The following KPNA3 variants were observed in gnomAD, a reference collection of about 807,000 sequenced individuals.
The protein encoded by KPNA3 is karyopherin subunit alpha 3.
A neutral mutation model predicts 73.8 loss-of-function variants in KPNA3; 13 were observed. That is an observed-to-expected ratio of 0.18 (90% CI 0.11 to 0.28). The LOEUF (loss-of-function observed/expected upper bound fraction) is 0.28, where lower values mean the gene tolerates loss of function less well. KPNA3 is among the 10% of genes least tolerant of loss of function. KPNA3 has a pLI of 1.00. For missense variants in KPNA3, 360 were observed against 618.1 expected (o/e 0.58, Z 4.43); for synonymous variants, 186 against 206.9 (o/e 0.90, Z 0.87).
intron 2 of KPNA3, among the ~76,000 whole-genome samples, chr13:49,741,358 GTTTTAA>G (rs953182692): frequency 4.6e-5 from 7 of 151,804 alleles, no homozygotes; most frequent in Admixed American, 3.9e-4. Flanking sequence ...TCTCACAGTA[GTTTTAA>G]TTTTATTTCT....
At chr13:49,776,463 T>C (rs1954898933) in intron 1 of KPNA3, among the ~76,000 whole-genome samples, 1 of 152,238 alleles carries the variant, frequency 6.6e-6, no homozygotes, top group African/African-American at 2.4e-5. Context: ...CATTAAATAG[T>C]ATGATAATCC....
In KPNA3 at chr13:49,753,222, C is replaced by T. The variant is rs533267606; in HGVS notation, c.70-6229G>A. Among the ~76,000 whole-genome samples, 5 of 152,046 alleles carry T rather than the reference C, an allele frequency of 3.3e-5. No homozygotes were observed. The East Asian group carries it at 7.7e-4, about 23-fold the overall frequency. On this transcript the variant is annotated intron_variant, in intron 1 of 16. Transcript: ENST00000261667. ...GACTTGAACTGAAATACTGAAAGTA[C>T]ACCCAAGTACCTGGGGAATCCATCC... is the stretch of plus-strand genomic sequence containing the variant.
intron 2 of KPNA3, among the ~76,000 whole-genome samples, chr13:49,743,641 G>A (rs887809023): frequency 1.3e-5 from 2 of 151,392 alleles, no homozygotes; most frequent in African/African-American, 2.4e-5. Flanking sequence ...AAGATATGCT[G>A]TGACATGCAA....
intron 1 of KPNA3, among the ~76,000 whole-genome samples, chr13:49,753,984 C>T (rs1954689005): frequency 6.6e-6 from 1 of 152,166 alleles, no homozygotes; most frequent in East Asian, 1.9e-4. Flanking sequence ...GAAAGGAAGA[C>T]AAAACATGCA....
At chr13:49,786,863 T>C (rs1954987022) in intron 1 of KPNA3, among the ~76,000 whole-genome samples, 1 of 152,082 alleles carries the variant, frequency 6.6e-6, no homozygotes, top group Non-Finnish European at 1.5e-5. Context: ...GAAAGATCAA[T>C]CCACAAGATA....
intron 2 of KPNA3, among the ~76,000 whole-genome samples, chr13:49,735,226 G>A (rs988791477): frequency 2.6e-5 from 4 of 152,144 alleles, no homozygotes; most frequent in African/African-American, 9.7e-5. Context: ...GGGTTCAAGT[G>A]ATTCTCCTGC....
intron 1 of KPNA3, among the ~76,000 whole-genome samples, chr13:49,765,358 A>G (rs973424378): frequency 6.6e-6 from 1 of 152,250 alleles, no homozygotes; most frequent in Non-Finnish European, 1.5e-5. Flanking sequence ...GTTATGATTA[A>G]TCAATACAGC....
At chr13:49,722,349 A>G in intron 8 of KPNA3, 128 bp downstream of exon 8, 1 of 681,080 alleles carries the variant, frequency 1.5e-6, no homozygotes, top group Non-Finnish European at 2.5e-6. Context: ...ATCTTAAGTC[A>G]GTACTTATGA....
intron 1 of KPNA3, among the ~76,000 whole-genome samples, chr13:49,749,312 C>T (rs1566349698): frequency 6.6e-6 from 1 of 152,198 alleles, no homozygotes; most frequent in Non-Finnish European, 1.5e-5. Flanking sequence ...CGAATATGAA[C>T]ATCTCAATTT....
intron 1 of KPNA3, among the ~76,000 whole-genome samples, chr13:49,755,565 G>A: frequency 6.6e-6 from 1 of 152,206 alleles, no homozygotes; most frequent in Non-Finnish European, 1.5e-5. Flanking sequence ...GGGAGACTGA[G>A]GAGGGCGGAT....
chr13:49,789,359 T>TC (rs1292240162), intron 1 of KPNA3, among the ~76,000 whole-genome samples: 1 of 152,074 alleles, frequency 6.6e-6, no homozygotes, highest in Admixed American at 6.5e-5. Context: ...TTTTTTCCTC[T>TC]CCAAAGATCT....
At chr13:49,745,360 T>C (rs1954607152) in intron 2 of KPNA3, among the ~76,000 whole-genome samples, 1 of 144,036 alleles carries the variant, frequency 6.9e-6, no homozygotes. Flanking sequence ...TTCAAGACGG[T>C]AATTTTTTTT....
intron 2 of KPNA3, among the ~76,000 whole-genome samples, chr13:49,743,547 C>T (rs1954591678): frequency 6.7e-6 from 1 of 150,100 alleles, no homozygotes. Flanking sequence ...AGAAATTGAA[C>T]CTTAGTAACT....
At chr13:49,745,796 G>A (rs1298924842) in intron 2 of KPNA3, among the ~76,000 whole-genome samples, 2 of 152,058 alleles carry the variant, frequency 1.3e-5, no homozygotes, top group Non-Finnish European at 2.9e-5. Flanking sequence ...GGGCACGGTG[G>A]CTCACGCCTG....
chr13:49,703,024 A>G (rs894745228), intron 15 of KPNA3, among the ~76,000 whole-genome samples: 3 of 151,580 alleles, frequency 2.0e-5, no homozygotes, highest in East Asian at 1.9e-4. Context: ...GCCCGCCACC[A>G]CACCCGGCTA....
At chr13:49,753,421 A>G (rs1350796127) in intron 1 of KPNA3, among the ~76,000 whole-genome samples, 2 of 152,242 alleles carry the variant, frequency 1.3e-5, no homozygotes, top group African/African-American at 4.8e-5. Context: ...CAACTGTTAT[A>G]AACACAACTC....
intron 2 of KPNA3, among the ~76,000 whole-genome samples, chr13:49,736,951 A>G (rs1322220283): frequency 6.6e-6 from 1 of 152,192 alleles, no homozygotes; most frequent in Admixed American, 6.5e-5. Context: ...TTTATGACAG[A>G]ATTATAGGCT....
intron 1 of KPNA3, among the ~76,000 whole-genome samples, chr13:49,777,017 A>G (rs1954903151): frequency 6.6e-6 from 1 of 152,162 alleles, no homozygotes; most frequent in African/African-American, 2.4e-5. Flanking sequence ...CATCTCTACA[A>G]TCTGTAGCCC....
intron 15 of KPNA3, among the ~76,000 whole-genome samples, chr13:49,703,005 A>ACTACAG (rs954692447): frequency 7.9e-5 from 12 of 151,342 alleles, no homozygotes; most frequent in Non-Finnish European, 1.8e-4. Context: ...AGTAGCTGGG[A>ACTACAG]CTACAGGCGC....
Sources: allele counts gnomAD v4.1 joint callset (sites outside exome capture counted in the v4.1 genomes callset), GRCh38; gene constraint gnomAD v4.1.1; transcripts MANE v1.5; gene names NCBI Gene and HGNC (gene_info 2026-07-23, HGNC 2026-07-21).